Variants in KIF6 observed in about 807,000 individuals in gnomAD.
KIF6 encodes kinesin family member 6, also known as kinesin-like protein KIF6.
A neutral mutation model predicts 112.7 loss-of-function variants in KIF6; 106 were observed. The observed-to-expected ratio is 0.94, with a 90% CI of 0.80 to 1.11. The LOEUF is 1.11. Ranked by LOEUF, KIF6 falls within the 50% of genes least tolerant of loss-of-function variation. KIF6 has a pLI of 0.00. For synonymous variants in KIF6, 339 were observed against 339.9 expected (o/e 1.00, Z 0.03); for missense variants, 929 against 964.0 (o/e 0.96, Z 0.48).
At chr6:39,541,320 A>G (rs1778772155) in intron 12 of KIF6, among the ~76,000 whole-genome samples, 1 of 152,222 alleles carries the variant, frequency 6.6e-6, no homozygotes, top group Admixed American at 6.5e-5. Flanking sequence ...TGTGGCTTCC[A>G]TTCCTTGCCC....
Position 39,578,120 on chromosome 6 carries a change from C to T in KIF6, c.1117G>A (p.Asp373Asn). The change falls in exon 10 of 23, where the codon GAT becomes AAT. Residue 373 changes from aspartate (D) to asparagine (N), a missense_variant. Physicochemically the swap from Asp to Asn is conservative, Grantham distance 23. Transcript: ENST00000287152. ...TCCCCAGTGACCATGGCCAGTTCAT[C>T]CTTCAGTTCCTGGATTTCCTTTTGT... ...RLQKEIQELKDELAMVTGEQR... is the reference protein window; with the variant it reads ...RLQKEIQELKNELAMVTGEQR... 3.1e-6 allele frequency: 5 copies of T among 1,614,084 alleles called. No individual in the cohort carries two copies.
At chr6:39,698,409 T>C (rs924340547) in intron 3 of KIF6, among the ~76,000 whole-genome samples, 2 of 152,232 alleles carry the variant, frequency 1.3e-5, no homozygotes, top group African/African-American at 4.8e-5. Context: ...TGTGGTGTTC[T>C]TATGATAAAG....
chr6:39,346,086 C>CACTCTCTCTCTCT (rs1326236666), intron 20 of KIF6, among the ~76,000 whole-genome samples: 1 of 26,994 alleles, frequency 3.7e-5, no homozygotes, highest in Non-Finnish European at 6.4e-5. Context: ...CTCTCTCTCT[C>CACTCTCTCTCTCT]CCCCCCCTCT....
chr6:39,469,160 G>A (rs1036809371), intron 13 of KIF6, among the ~76,000 whole-genome samples: 2 of 151,692 alleles, frequency 1.3e-5, no homozygotes, highest in African/African-American at 2.4e-5. Flanking sequence ...CAACCACTAG[G>A]AAAATAACTC....
chr6:39,643,745 C>G (rs2150775639), intron 3 of KIF6, among the ~76,000 whole-genome samples: 1 of 152,222 alleles, frequency 6.6e-6, no homozygotes, highest in East Asian at 1.9e-4. Flanking sequence ...AGGAGTAAAT[C>G]TTCATGAGCT....
intron 13 of KIF6, among the ~76,000 whole-genome samples, chr6:39,517,564 A>G (rs1293446365): frequency 3.9e-5 from 6 of 152,194 alleles, no homozygotes; most frequent in Non-Finnish European, 5.9e-5. Flanking sequence ...CTATTCCACA[A>G]AAATGGTTAA....
intron 15 of KIF6, among the ~76,000 whole-genome samples, chr6:39,387,343 GC>G (rs1767512182): frequency 6.6e-6 from 1 of 152,144 alleles, no homozygotes; most frequent in South Asian, 2.1e-4. Flanking sequence ...ACTTCGACTT[GC>G]CCTTTATGGA....
At chr6:39,394,223 G>A (rs116804057) in intron 15 of KIF6, among the ~76,000 whole-genome samples, 70 of 152,108 alleles carry the variant, frequency 4.6e-4, no homozygotes, top group Non-Finnish European at 6.6e-4. Flanking sequence ...TAATAAAGGC[G>A]CATGATTTAC....
At position 39,393,329 on chromosome 6, in the gene KIF6, C is replaced by T. The variant is rs144509785; in HGVS notation, c.1811-7657G>A. ...GGTTTGCATCCAGCTGGGCCACTTA[C>T]TGTGTAACCTCCTGCAAGTGACTGA... On this transcript the variant is annotated intron_variant, in intron 15 of 22. Coordinates refer to ENST00000287152, the MANE Select transcript of KIF6 (RefSeq NM_145027.6). Among the ~76,000 whole-genome samples, 281 of 152,318 alleles carry T rather than the reference C, an allele frequency of 1.8e-3. 1 individual carries two copies. Among genetic ancestry groups the T allele is most frequent in the Admixed American group, 4.5e-3 (69 of 15,300 alleles).
intron 3 of KIF6, among the ~76,000 whole-genome samples, chr6:39,708,559 T>C (rs765662283): frequency 6.6e-6 from 1 of 152,184 alleles, no homozygotes; most frequent in Non-Finnish European, 1.5e-5. Context: ...GCACATTCTA[T>C]TCATTTTGGT....
At chr6:39,555,741 T>A (rs1582126073) in intron 10 of KIF6, among the ~76,000 whole-genome samples, 1 of 151,962 alleles carries the variant, frequency 6.6e-6, no homozygotes, top group Non-Finnish European at 1.5e-5. Flanking sequence ...TCATTTGAGG[T>A]CAGGTGTTTG....
intron 20 of KIF6, among the ~76,000 whole-genome samples, chr6:39,346,083 TCTCCC>T (rs1418803186): frequency 7.3e-4 from 18 of 24,826 alleles, no homozygotes; most frequent in East Asian, 4.5e-3. Flanking sequence ...TCTCTCTCTC[TCTCCC>T]CCCCCTCTCC....
Position 39,421,949 on chromosome 6 carries a change from T to C in KIF6, c.1755-1946A>G, listed in dbSNP as rs145379605. 1.5e-3 allele frequency among the ~76,000 whole-genome samples: 223 copies of C among 152,250 alleles called. 3 individuals carry two copies. Among genetic ancestry groups the C allele is most frequent in the East Asian group, 3.7e-3 (19 of 5,158 alleles). The stretch of plus-strand genomic sequence containing the variant: ...GATGAGGACCATCTTCAACTCTCCA[T>C]TCTGCCAAGGGAGGGCCTATGATCA... On this transcript the variant is annotated intron_variant, in intron 14 of 22. Transcript: ENST00000287152.
At chr6:39,372,834 C>A (rs1489519414) in intron 16 of KIF6, among the ~76,000 whole-genome samples, 1 of 152,148 alleles carries the variant, frequency 6.6e-6, no homozygotes, top group East Asian at 1.9e-4. Flanking sequence ...CCACTTAAAG[C>A]TTTCTGTTGG....
At chr6:39,540,703 C>T (rs994469372) in intron 12 of KIF6, among the ~76,000 whole-genome samples, 5 of 152,248 alleles carry the variant, frequency 3.3e-5, no homozygotes, top group Admixed American at 2.0e-4. Context: ...TTCATCCTGG[C>T]GGCCGGTGCG....
intron 13 of KIF6, among the ~76,000 whole-genome samples, chr6:39,506,366 G>C (rs1256139983): frequency 6.6e-6 from 1 of 152,120 alleles, no homozygotes; most frequent in African/African-American, 2.4e-5. Context: ...TGGGGGTTGG[G>C]CACGAGGGGA....
chr6:39,352,365 T>C (rs538538683), intron 19 of KIF6, among the ~76,000 whole-genome samples: 2 of 152,340 alleles, frequency 1.3e-5, no homozygotes, highest in African/African-American at 4.8e-5. Context: ...ACATCATCTA[T>C]GCAACATTAC....
intron 8 of KIF6, 84 bp downstream of exon 8, chr6:39,586,177 A>C: frequency 6.9e-7 from 1 of 1,448,436 alleles, no homozygotes; most frequent in Middle Eastern, 1.8e-4. Context: ...AAAATGTAGA[A>C]ACCCACCCAA....
chr6:39,584,971 G>T lies in KIF6; in HGVS notation c.1004C>A (p.Thr335Asn), dbSNP rs1254703718. 2 of 1,605,104 alleles carry T rather than the reference G, an allele frequency of 1.2e-6. No homozygotes were observed. Among genetic ancestry groups the T allele is most frequent in the South Asian group, 2.2e-5 (2 of 90,680 alleles). ...EKRNLDESISTCRFAQRVALI... is the reference protein window; with the variant it reads ...EKRNLDESISNCRFAQRVALI... ...TGCCACTCGCTGTGCAAATCTGCAG[G>T]TTGATATAGACTCCTAAGAAAGCAA... The change falls in exon 9 of 23, where the codon ACC becomes AAC. Residue 335 changes from threonine to asparagine, a missense_variant. By Grantham distance (65) the Thr-to-Asn change is moderately conservative (BLOSUM62 0). Transcript: ENST00000287152.
Sources: allele counts gnomAD v4.1 joint callset (sites outside exome capture counted in the v4.1 genomes callset), GRCh38; gene constraint gnomAD v4.1.1; transcripts MANE v1.5; gene names NCBI Gene and HGNC (gene_info 2026-07-23, HGNC 2026-07-21).